LRRC28: variants seen among roughly 807,000 people sequenced by gnomAD.
The protein encoded by LRRC28 is leucine rich repeat containing 28.
In LRRC28, 39 loss-of-function variants were observed where a neutral mutation model predicts 45.7. The ratio of observed to expected loss-of-function variants is 0.85; its 90% CI spans 0.66 to 1.12. LRRC28 has a LOEUF of 1.12. LRRC28 is among the 50% of genes most tolerant of loss of function. LRRC28 has a pLI of 0.00. For synonymous variants in LRRC28, 206 were observed against 178.8 expected, an observed-to-expected ratio of 1.15 and a Z score of -1.22; for missense variants, 435 against 438.5, an observed-to-expected ratio of 0.99 and a Z score of 0.07.
chr15:99,330,698 T>A (rs1041057709), intron 5 of LRRC28, among the ~76,000 whole-genome samples: 5 of 152,188 alleles, frequency 3.3e-5, no homozygotes, highest in African/African-American at 4.8e-5. Flanking sequence ...TTATTTAGTC[T>A]GTTCACATCT....
At chr15:99,330,366 C>T (rs1193366934) in intron 5 of LRRC28, among the ~76,000 whole-genome samples, 1 of 152,112 alleles carries the variant, frequency 6.6e-6, no homozygotes, top group African/African-American at 2.4e-5. Context: ...GTTGAAATGT[C>T]TGCTTTCCCT....
At chr15:99,323,994 C>T (rs1955886192) in intron 5 of LRRC28, among the ~76,000 whole-genome samples, 2 of 152,170 alleles carry the variant, frequency 1.3e-5, no homozygotes, top group African/African-American at 4.8e-5. Context: ...AAAAGGAAGA[C>T]TTACTGTACA....
chr15:99,388,828 T>A lies in LRRC28; in HGVS notation c.*2726T>A, dbSNP rs1958103812. 6.6e-6 allele frequency: 1 copy of A among 152,204 alleles called. No individual in the cohort carries two copies. Among genetic ancestry groups the A allele is most frequent in the African/African-American group, 2.4e-5 (1 of 41,448 alleles). 9.4% of individuals were successfully genotyped at this position (152,204 alleles called of 1,614,324 possible). A position where few individuals can be genotyped will look rare whatever the true frequency, so the allele number is the denominator to read the frequency against. On this transcript the variant is annotated 3_prime_UTR_variant, in exon 10 of 10. Coordinates refer to ENST00000301981, the MANE Select transcript of LRRC28 (RefSeq NM_144598.5). Reference sequence around the variant, plus strand: ...AAGTTTACTTCAGTGAACTCTTGTGTGGTTAGCGATAAGTTTTAAAGTCCA... The same window carrying A: ...AAGTTTACTTCAGTGAACTCTTGTGAGGTTAGCGATAAGTTTTAAAGTCCA...
intron 5 of LRRC28, among the ~76,000 whole-genome samples, chr15:99,313,324 G>A (rs1473537334): frequency 2.0e-5 from 3 of 152,026 alleles, no homozygotes; most frequent in Non-Finnish European, 1.5e-5. Context: ...ATTGAAAGGG[G>A]AAATAAACAA....
chr15:99,283,880 G>T (rs1228889002), intron 3 of LRRC28, among the ~76,000 whole-genome samples: 1 of 152,146 alleles, frequency 6.6e-6, no homozygotes, highest in Non-Finnish European at 1.5e-5. Context: ...CCAAAATTAA[G>T]TAAAAGGAAG....
chr15:99,302,739 G>C (rs1026527782), intron 5 of LRRC28, among the ~76,000 whole-genome samples: 1 of 152,114 alleles, frequency 6.6e-6, no homozygotes, highest in African/African-American at 2.4e-5. Context: ...GTTCTCACCC[G>C]CAGTCAACCA....
chr15:99,266,728 T>G (rs2081342490), intron 2 of LRRC28, among the ~76,000 whole-genome samples: 1 of 152,244 alleles, frequency 6.6e-6, no homozygotes, highest in Non-Finnish European at 1.5e-5. Flanking sequence ...AAAACCTCGA[T>G]ATTCATCAAT....
At chr15:99,259,139 C>T (rs1181304788) in intron 2 of LRRC28, 7 of 1,314,170 alleles carry the variant, frequency 5.3e-6, no homozygotes, top group Non-Finnish European at 7.7e-6. Flanking sequence ...TCTTGCTAAA[C>T]TTCTTAGGTT....
At chr15:99,381,324 C>T (rs1330867502) in intron 9 of LRRC28, among the ~76,000 whole-genome samples, 3 of 152,192 alleles carry the variant, frequency 2.0e-5, no homozygotes, top group Non-Finnish European at 2.9e-5. Flanking sequence ...TTGATCAAAT[C>T]GGCTACTGAA....
intron 5 of LRRC28, among the ~76,000 whole-genome samples, chr15:99,296,181 C>T (rs1314945286): frequency 6.6e-6 from 1 of 152,210 alleles, no homozygotes; most frequent in African/African-American, 2.4e-5. Context: ...GCTGATCCCA[C>T]CTTGTAGTTA....
intron 6 of LRRC28, among the ~76,000 whole-genome samples, chr15:99,337,001 C>T (rs1049701331): frequency 1.3e-5 from 2 of 152,234 alleles, no homozygotes; most frequent in Non-Finnish European, 2.9e-5. Flanking sequence ...TACCAGAATG[C>T]CATCTGGTTC....
At chr15:99,352,546 C>A in intron 7 of LRRC28, 75 bp downstream of exon 7, 1 of 1,234,708 alleles carries the variant, frequency 8.1e-7, no homozygotes, top group Non-Finnish European at 1.2e-6. Context: ...TTTGTCTTTG[C>A]CCTTGATGAT....
intron 5 of LRRC28, among the ~76,000 whole-genome samples, chr15:99,308,315 C>G (rs1955264886): frequency 6.6e-6 from 1 of 152,012 alleles, no homozygotes; most frequent in African/African-American, 2.4e-5. Context: ...AACATAAATA[C>G]TTAATCTTTA....
Position 99,389,845 on chromosome 15 carries a change from A to C in LRRC28, c.*3743A>C, listed in dbSNP as rs1192415434. The C allele has an allele frequency of 6.6e-6, 1 of 152,168 alleles. No homozygotes were observed. The highest frequency in any genetic ancestry group is 1.5e-5 in the Non-Finnish European group (1 of 68,022). 9.4% of individuals were successfully genotyped at this position (152,168 alleles called of 1,614,324 possible). A position where few individuals can be genotyped will look rare whatever the true frequency, so the allele number is the denominator to read the frequency against. ...GTCTATCTAAAAATCAAGTCTCGGC[A>C]GTGGCTCATGCCTATAATCCCAGCA... On this transcript the variant is annotated 3_prime_UTR_variant, in exon 10 of 10. Transcript: ENST00000301981.
intron 2 of LRRC28, chr15:99,258,106 C>T (rs1035891450): frequency 6.3e-7 from 1 of 1,587,902 alleles, no homozygotes; most frequent in South Asian, 1.1e-5. Flanking sequence ...TGGTTAAAAA[C>T]CTTGGTACCA....
At chr15:99,381,918 G>A (rs144426645) in intron 9 of LRRC28, among the ~76,000 whole-genome samples, 207 of 151,848 alleles carry the variant, frequency 1.4e-3, no homozygotes, top group African/African-American at 4.1e-3. Flanking sequence ...GTACCCAGCT[G>A]TGTGAGGTGT....
At chr15:99,328,222 C>G (rs1469090748) in intron 5 of LRRC28, among the ~76,000 whole-genome samples, 1 of 152,146 alleles carries the variant, frequency 6.6e-6, no homozygotes, top group East Asian at 1.9e-4. Context: ...AGTTTGTTTG[C>G]AGTGCTGATC....
intron 2 of LRRC28, among the ~76,000 whole-genome samples, chr15:99,270,342 A>T (rs565674438): frequency 4.5e-4 from 69 of 152,180 alleles, no homozygotes; most frequent in Non-Finnish European, 7.6e-4. Flanking sequence ...TTCACCGTGG[A>T]TGCAGCCACC....
At chr15:99,375,875 T>A (rs1436028282) in intron 9 of LRRC28, among the ~76,000 whole-genome samples, 1 of 152,098 alleles carries the variant, frequency 6.6e-6, no homozygotes, top group Non-Finnish European at 1.5e-5. Flanking sequence ...GGTCAAGATT[T>A]ATCAGTTTTA....
Sources: allele counts gnomAD v4.1 joint callset (sites outside exome capture counted in the v4.1 genomes callset), GRCh38; gene constraint gnomAD v4.1.1; transcripts MANE v1.5; gene names NCBI Gene and HGNC (gene_info 2026-07-23, HGNC 2026-07-21).